GRM5: variants seen among roughly 807,000 people sequenced by gnomAD.
The protein encoded by GRM5 is metabotropic glutamate receptor 5.
A neutral mutation model predicts 83.1 loss-of-function variants in GRM5; 19 were observed. The ratio of observed to expected loss-of-function variants is 0.23; its 90% CI spans 0.16 to 0.34. The LOEUF is 0.34. GRM5 is among the 10% of genes least tolerant of loss of function. The pLI is 1.00. For synonymous variants in GRM5, 675 were observed against 633.6 expected (o/e 1.07, Z -0.98); for missense variants, 1,160 against 1,588.3 (o/e 0.73, Z 4.58).
intron 4 of GRM5, among the ~76,000 whole-genome samples, chr11:88,617,034 G>A (rs1307336169): frequency 6.6e-6 from 1 of 152,190 alleles, no homozygotes; most frequent in African/African-American, 2.4e-5. Context: ...CTCAAGGAGT[G>A]TGATCAAATA....
intron 3 of GRM5, among the ~76,000 whole-genome samples, chr11:88,804,440 A>C (rs1322756040): frequency 6.6e-6 from 1 of 150,944 alleles, no homozygotes; most frequent in Non-Finnish European, 1.5e-5. Context: ...GCAAGAACAA[A>C]AAACCAAACA....
At chr11:88,867,860 G>A (rs139372767) in intron 2 of GRM5, among the ~76,000 whole-genome samples, 109 of 151,934 alleles carry the variant, frequency 7.2e-4, no homozygotes, top group Middle Eastern at 3.4e-3. Context: ...ACGAACCACT[G>A]AGTCTATTGG....
At chr11:88,819,897 A>AACTCATCTTT (rs987148151) in intron 3 of GRM5, among the ~76,000 whole-genome samples, 11 of 152,198 alleles carry the variant, frequency 7.2e-5, no homozygotes, top group African/African-American at 2.2e-4. Context: ...AAAGGGGCTG[A>AACTCATCTTT]ACTCATCTTT....
rs182248412 is a variant in GRM5 at position 88,506,565 on chromosome 11, G to A, written c.*2027C>T. The A allele has an allele frequency of 9.2e-5, 14 of 152,158 alleles. No homozygotes were observed. The East Asian group carries it at 2.7e-3, about 29-fold the overall frequency. The allele number at this position is 152,158 out of a possible 1,614,324, so 9.4% of individuals were successfully genotyped here. A position where few individuals can be genotyped will look rare whatever the true frequency, so the allele number is the denominator to read the frequency against. ...ATTTCACTTACATTTTAAAAGCCTCGGTGTAATATTTGGGATCAGGGTGCT... is the reference window on the plus strand; with the variant it reads ...ATTTCACTTACATTTTAAAAGCCTCAGTGTAATATTTGGGATCAGGGTGCT... On this transcript the variant is annotated 3_prime_UTR_variant, in exon 10 of 10. Transcript: ENST00000305447.
At chr11:89,061,572 G>A (rs137988660) in intron 1 of GRM5, among the ~76,000 whole-genome samples, 3,256 of 152,232 alleles carry the variant, frequency 0.021, 115 homozygotes, top group African/African-American at 0.075. Flanking sequence ...AATTAAAAAT[G>A]GTATGTAGTT....
At position 88,760,280 on chromosome 11, in the gene GRM5, G is replaced by C. The variant is rs557771576; in HGVS notation, c.911+89626C>G. ...AAACATTCAAAAGATCAATGAATTG[G>C]GGAGTTGGTTTTTTCAGAAATATTA... On this transcript the variant is annotated intron_variant, in intron 3 of 9. Transcript: ENST00000305447. Among the ~76,000 whole-genome samples the C allele has an allele frequency of 2.7e-4, 41 of 152,102 alleles. No homozygotes were observed. In the South Asian group the frequency reaches 8.3e-3, roughly 31 times the overall value.
intron 8 of GRM5, among the ~76,000 whole-genome samples, chr11:88,538,371 A>G (rs1404896306): frequency 6.6e-6 from 1 of 152,228 alleles, no homozygotes; most frequent in Non-Finnish European, 1.5e-5. Flanking sequence ...ATTCAGGAAG[A>G]TACAGATTTC....
intron 3 of GRM5, among the ~76,000 whole-genome samples, chr11:88,828,703 A>G (rs993485889): frequency 2.6e-5 from 4 of 152,114 alleles, no homozygotes; most frequent in African/African-American, 9.6e-5. Flanking sequence ...AAATTGACTC[A>G]GATACTTTGT....
intron 8 of GRM5, among the ~76,000 whole-genome samples, chr11:88,546,819 G>T (rs1942394973): frequency 6.6e-6 from 1 of 152,116 alleles, no homozygotes; most frequent in Admixed American, 6.6e-5. Flanking sequence ...AGGGAGCTTG[G>T]TTTATGCAGA....
intron 8 of GRM5, among the ~76,000 whole-genome samples, chr11:88,547,010 T>C (rs1942398097): frequency 6.6e-6 from 1 of 152,142 alleles, no homozygotes. Context: ...TATAGATATA[T>C]GATATTCAAT....
At chr11:88,703,861 C>T (rs1941093090) in intron 3 of GRM5, among the ~76,000 whole-genome samples, 1 of 152,076 alleles carries the variant, frequency 6.6e-6, no homozygotes, top group Admixed American at 6.6e-5. Context: ...GCCTCAACCT[C>T]ATCAACCCTT....
intron 3 of GRM5, among the ~76,000 whole-genome samples, chr11:88,681,104 CTT>C (rs34353480): frequency 0.18 from 27,441 of 152,026 alleles, 2,624 homozygotes; most frequent in Admixed American, 0.29. Flanking sequence ...TCTCAGAACT[CTT>C]GTCAGTATTT....
intron 3 of GRM5, among the ~76,000 whole-genome samples, chr11:88,815,467 G>C (rs1158359286): frequency 2.6e-5 from 4 of 152,182 alleles, no homozygotes; most frequent in Admixed American, 6.5e-5. Flanking sequence ...GTTCTTAATT[G>C]AGTTTGTGTT....
intron 2 of GRM5, among the ~76,000 whole-genome samples, chr11:89,009,890 G>T (rs1347631955): frequency 1.2e-5 from 1 of 86,732 alleles, no homozygotes; most frequent in African/African-American, 5.0e-5. Context: ...GACAGAGCGA[G>T]ACTCCGTCTC....
chr11:89,059,854 G>T (rs1425022840), intron 1 of GRM5, among the ~76,000 whole-genome samples: 1 of 151,982 alleles, frequency 6.6e-6, no homozygotes, highest in East Asian at 1.9e-4. Context: ...TGTGTGCCAT[G>T]GTGGTTTTCC....
chr11:88,575,291 A>G (rs1022211219), intron 7 of GRM5, among the ~76,000 whole-genome samples: 1 of 152,220 alleles, frequency 6.6e-6, no homozygotes, highest in Non-Finnish European at 1.5e-5. Flanking sequence ...TGTAATCATC[A>G]TAATAAAAAA....
intron 3 of GRM5, among the ~76,000 whole-genome samples, chr11:88,667,946 G>A (rs1940087085): frequency 6.6e-6 from 1 of 151,156 alleles, no homozygotes. Context: ...TCTTTGAAAA[G>A]ACTAATAAAA....
chr11:88,981,465 G>C (rs897356818), intron 2 of GRM5, among the ~76,000 whole-genome samples: 5 of 152,100 alleles, frequency 3.3e-5, no homozygotes, highest in African/African-American at 1.2e-4. Context: ...GCTTAATCTA[G>C]TTAATTGTGA....
In GRM5 at chr11:88,586,752, A is replaced by G. The variant is rs115927536; in HGVS notation, c.1690+3849T>C. On this transcript the variant is annotated intron_variant, in intron 7 of 9. Coordinates refer to ENST00000305447, the MANE Select transcript of GRM5 (RefSeq NM_001143831.3). ...ATTCCAGTTAAAGGTTAAACTTCAC[A>G]TAATATCAATGCAAAGGCATTTCTA... 7.4e-3 allele frequency among the ~76,000 whole-genome samples: 1,132 copies of G among 152,290 alleles called. 11 individuals are homozygous for G. The highest frequency in any genetic ancestry group is 0.026 in the African/African-American group (1,092 of 41,572).
Sources: gnomAD v4.1 joint callset for allele counts (sites outside exome capture counted in the v4.1 genomes callset) on GRCh38, gnomAD v4.1.1 for gene constraint, MANE v1.5 for transcripts, NCBI Gene and HGNC (gene_info 2026-07-23, HGNC 2026-07-21) for gene names.